Variants in RORA observed in about 807,000 individuals in gnomAD.
RORA encodes the protein nuclear receptor ROR-alpha.
A neutral mutation model predicts 69.5 loss-of-function variants in RORA; 7 were observed. That is an observed-to-expected ratio of 0.10 (90% CI 0.06 to 0.19). RORA has a LOEUF of 0.19. Ranked by LOEUF, RORA falls within the 10% of genes least tolerant of loss-of-function variation. The pLI, the probability that RORA is intolerant of heterozygous loss-of-function variation, is 1.00. For missense variants in RORA, 457 were observed against 663.0 expected, an observed-to-expected ratio of 0.69 and a Z score of 3.41; for synonymous variants, 261 against 240.8, an observed-to-expected ratio of 1.08 and a Z score of -0.78.
At chr15:60,885,744 T>C (rs1359177055) in intron 1 of RORA, among the ~76,000 whole-genome samples, 1 of 152,246 alleles carries the variant, frequency 6.6e-6, no homozygotes, top group African/African-American at 2.4e-5. Context: ...ATCTTAGCCT[T>C]GCCATTTGCT....
At chr15:60,694,997 C>T (rs145350395) in intron 1 of RORA, among the ~76,000 whole-genome samples, 4 of 152,272 alleles carry the variant, frequency 2.6e-5, no homozygotes, top group Non-Finnish European at 4.4e-5. Flanking sequence ...CATCTACCCC[C>T]GGTTGACTGC....
intron 2 of RORA, among the ~76,000 whole-genome samples, chr15:60,603,629 T>A (rs990535144): frequency 3.9e-5 from 6 of 152,228 alleles, no homozygotes; most frequent in Non-Finnish European, 8.8e-5. Context: ...GTGTTTCTGT[T>A]TAAAGACATC....
chr15:60,555,762 TC>T (rs149557294), intron 2 of RORA, among the ~76,000 whole-genome samples: 9 of 151,738 alleles, frequency 5.9e-5, no homozygotes, highest in African/African-American at 2.2e-4. Flanking sequence ...TTTCCTTTTT[TC>T]TTACTACTTT....
chr15:60,608,445 G>A (rs960483970), intron 2 of RORA, among the ~76,000 whole-genome samples: 3 of 152,200 alleles, frequency 2.0e-5, no homozygotes, highest in Non-Finnish European at 4.4e-5. Flanking sequence ...GATAGGGTAA[G>A]TGAAGCTCAA....
chr15:60,636,911 A>C (rs2069851524), intron 2 of RORA, among the ~76,000 whole-genome samples: 1 of 152,072 alleles, frequency 6.6e-6, no homozygotes, highest in Non-Finnish European at 1.5e-5. Flanking sequence ...TAATTCTTTA[A>C]ATATTATTTT....
At chr15:60,661,503 T>G (rs889950908) in intron 2 of RORA, among the ~76,000 whole-genome samples, 2 of 152,136 alleles carry the variant, frequency 1.3e-5, no homozygotes, top group African/African-American at 4.8e-5. Context: ...GACACAGGGA[T>G]CTCCAAAAGA....
intron 1 of RORA, among the ~76,000 whole-genome samples, chr15:60,927,628 G>T (rs894854526): frequency 3.3e-5 from 5 of 152,042 alleles, no homozygotes; most frequent in Non-Finnish European, 7.4e-5. Flanking sequence ...CAAAAAATTA[G>T]CTGGGTGTGG....
intron 1 of RORA, among the ~76,000 whole-genome samples, chr15:61,109,784 T>A (rs556528100): frequency 3.9e-4 from 59 of 152,304 alleles, no homozygotes; most frequent in African/African-American, 1.4e-3. Context: ...TTATTTACCT[T>A]CCCAGTGCCT....
At chr15:61,180,549 A>G (rs529108991) in intron 1 of RORA, among the ~76,000 whole-genome samples, 1 of 152,242 alleles carries the variant, frequency 6.6e-6, no homozygotes, top group Non-Finnish European at 1.5e-5. Context: ...TTCATCTTGC[A>G]AAATCCAGTT....
intron 1 of RORA, among the ~76,000 whole-genome samples, chr15:60,697,528 C>A (rs1056324375): frequency 6.6e-6 from 1 of 151,928 alleles, no homozygotes; most frequent in Non-Finnish European, 1.5e-5. Flanking sequence ...CTTTAACCTG[C>A]AGAGTCATCT....
At chr15:61,084,153 TTTTCTGTCAAGCC>T (rs1337349872) in intron 1 of RORA, among the ~76,000 whole-genome samples, 33 of 152,216 alleles carry the variant, frequency 2.2e-4, no homozygotes, top group Admixed American at 2.1e-3. Flanking sequence ...CTAACTCGAA[TTTTCTGTCAAGCC>T]TCTCAGAGAT....
chr15:60,653,453 T>C (rs1476745802), intron 2 of RORA, among the ~76,000 whole-genome samples: 1 of 152,134 alleles, frequency 6.6e-6, no homozygotes, highest in East Asian at 1.9e-4. Flanking sequence ...CAAGGAGTGA[T>C]GGGAGGGCTA....
chr15:61,009,672 T>C (rs547283867), intron 1 of RORA, among the ~76,000 whole-genome samples: 131 of 152,320 alleles, frequency 8.6e-4, no homozygotes, highest in Admixed American at 1.2e-3. Flanking sequence ...ATCCACAGAA[T>C]CAAGATCACT....
At chr15:60,578,913 G>A (rs1333921778) in intron 2 of RORA, among the ~76,000 whole-genome samples, 4 of 151,600 alleles carry the variant, frequency 2.6e-5, no homozygotes, top group African/African-American at 4.9e-5. Flanking sequence ...ACAGGCGCCC[G>A]CCACCATGCC....
In RORA at chr15:60,965,055, C is replaced by A. The variant is rs547859756; in HGVS notation, c.166+263998G>T. ...GTAGCAAACATTTATTGAGTGCCAACGATGAACCAGGCATAGATTAGGTTC... is the reference window on the plus strand; with the variant it reads ...GTAGCAAACATTTATTGAGTGCCAAAGATGAACCAGGCATAGATTAGGTTC... On this transcript the variant is annotated intron_variant, in intron 1 of 10. Coordinates refer to ENST00000335670, the MANE Select transcript of RORA (RefSeq NM_134261.3). Among the ~76,000 whole-genome samples the A allele has an allele frequency of 2.0e-5, 3 of 152,196 alleles. No individual in the cohort carries two copies. In the East Asian group the frequency reaches 5.8e-4, roughly 29 times the overall value.
intron 1 of RORA, among the ~76,000 whole-genome samples, chr15:60,921,363 T>C (rs1469221067): frequency 1.3e-5 from 2 of 152,184 alleles, no homozygotes; most frequent in Non-Finnish European, 2.9e-5. Context: ...GAAAGACCCA[T>C]TGCAGGCATC....
intron 2 of RORA, among the ~76,000 whole-genome samples, chr15:60,596,539 C>T (rs1196614618): frequency 6.6e-6 from 1 of 152,028 alleles, no homozygotes; most frequent in Non-Finnish European, 1.5e-5. Flanking sequence ...AGCAAGGATA[C>T]TTGGGAAGCT....
chr15:60,915,203 C>A (rs527858813), intron 1 of RORA, among the ~76,000 whole-genome samples: 1 of 152,238 alleles, frequency 6.6e-6, no homozygotes. Context: ...ATCTCTGTAG[C>A]CTGCTCTCCC....
At chr15:60,631,697 A>G (rs935652670) in intron 2 of RORA, among the ~76,000 whole-genome samples, 2 of 152,248 alleles carry the variant, frequency 1.3e-5, no homozygotes, top group Admixed American at 6.5e-5. Context: ...GAAACAAAGA[A>G]TATGTGTGCT....
Sources: allele counts gnomAD v4.1 joint callset (sites outside exome capture counted in the v4.1 genomes callset), GRCh38; gene constraint gnomAD v4.1.1; transcripts MANE v1.5; gene names NCBI Gene and HGNC (gene_info 2026-07-23, HGNC 2026-07-21).